USP47: variants seen among roughly 807,000 people sequenced by gnomAD.
USP47 encodes ubiquitin specific peptidase 47.
USP47 carries 35 observed loss-of-function variants against 165.1 expected under a neutral mutation model. The observed-to-expected ratio is 0.21, with a 90% CI of 0.16 to 0.28. The LOEUF (loss-of-function observed/expected upper bound fraction) is 0.28, where lower values mean the gene tolerates loss of function less well. Ranked by LOEUF, USP47 falls within the 10% of genes least tolerant of loss-of-function variation. The pLI, the probability that USP47 is intolerant of heterozygous loss-of-function variation, is 1.00. For synonymous variants in USP47, 531 were observed against 544.5 expected, an observed-to-expected ratio of 0.98 and a Z score of 0.35; for missense variants, 1,277 against 1,607.4, an observed-to-expected ratio of 0.79 and a Z score of 3.52.
At chr11:11,914,981 A>T (rs1438024700) in intron 8 of USP47, among the ~76,000 whole-genome samples, 1 of 152,164 alleles carries the variant, frequency 6.6e-6, no homozygotes, top group Admixed American at 6.5e-5. Context: ...ACTATTGGTC[A>T]TTTATCCCAG....
intron 4 of USP47, among the ~76,000 whole-genome samples, chr11:11,892,801 T>G (rs1322440007): frequency 1.4e-5 from 2 of 141,780 alleles, no homozygotes; most frequent in African/African-American, 5.4e-5. Flanking sequence ...GGTGATTGAT[T>G]GAGACCCTGT....
At position 11,960,617 on chromosome 11, in the gene USP47, G is replaced by A. The variant is rs926705885; in HGVS notation, c.*4442G>A. ...TCCCTCAACGGAGTGTCAGGGAGGG[G>A]AAGAATCTGTTTTCCAAACACCACA... On this transcript the variant is annotated 3_prime_UTR_variant, in exon 28 of 28. Coordinates refer to ENST00000527733, the MANE Select transcript of USP47 (RefSeq NM_001282659.2). Among the ~76,000 whole-genome samples, 2 of 152,158 alleles carry A rather than the reference G, an allele frequency of 1.3e-5. No homozygotes were observed. The highest frequency in any genetic ancestry group is 4.8e-5 in the African/African-American group (2 of 41,430).
rs1443571969 is a variant in USP47 at position 11,948,568 on chromosome 11, AC to A, written c.3348+11del. 2 of 1,576,550 alleles carry A rather than the reference AC, an allele frequency of 1.3e-6. No individual in the cohort carries two copies. Among genetic ancestry groups the A allele is most frequent in the Non-Finnish European group, 1.7e-6 (2 of 1,146,922 alleles). On this transcript the variant is annotated intron_variant, in intron 22 of 27. Coordinates refer to ENST00000527733, the MANE Select transcript of USP47 (RefSeq NM_001282659.2). Reference sequence around the variant, plus strand: ...GGTCAATGAACAAGAGGTAAGTAATACGTTTAAGAATAATATAAGGTTACTT... The same window carrying A: ...GGTCAATGAACAAGAGGTAAGTAATAGTTTAAGAATAATATAAGGTTACTT...
intron 1 of USP47, among the ~76,000 whole-genome samples, chr11:11,877,123 G>GT (rs996085886): frequency 1.3e-5 from 2 of 149,208 alleles, no homozygotes; most frequent in South Asian, 2.1e-4. Context: ...TATTGTATAG[G>GT]TTTTTTTCTC....
chr11:11,925,621 TTTAC>T (rs1385040725), intron 11 of USP47, among the ~76,000 whole-genome samples: 1 of 148,998 alleles, frequency 6.7e-6, no homozygotes, highest in East Asian at 1.9e-4. Context: ...TTTTGTTGAA[TTTAC>T]TTGTTAGGGT....
chr11:11,930,655 C>G (rs758709260), intron 13 of USP47, 41 bp from the exon 14 acceptor site: 5 of 1,418,958 alleles, frequency 3.5e-6, no homozygotes, highest in Non-Finnish European at 4.9e-6. Flanking sequence ...TCTTTTTAAT[C>G]TACTTTTTGT....
At chr11:11,913,127 T>C (rs1381025347) in intron 8 of USP47, among the ~76,000 whole-genome samples, 1 of 151,894 alleles carries the variant, frequency 6.6e-6, no homozygotes, top group Non-Finnish European at 1.5e-5. Context: ...CCACTCCTTT[T>C]CAGCATAGTC....
intron 2 of USP47, among the ~76,000 whole-genome samples, chr11:11,883,169 C>T (rs572961436): frequency 6.6e-6 from 1 of 152,262 alleles, no homozygotes; most frequent in African/African-American, 2.4e-5. Context: ...CCCAGCAATC[C>T]CTTTCTTCCC....
intron 8 of USP47, among the ~76,000 whole-genome samples, chr11:11,911,189 GAAGA>G (rs1429561795): frequency 6.6e-6 from 1 of 152,116 alleles, no homozygotes; most frequent in African/African-American, 2.4e-5. Context: ...ACAGCAGAGA[GAAGA>G]TAGACTGAAA....
At chr11:11,942,198 G>C in intron 19 of USP47, 137 bp from the exon 20 acceptor site, 2 of 1,010,822 alleles carry the variant, frequency 2.0e-6, no homozygotes, top group Middle Eastern at 3.1e-4. Flanking sequence ...CAAAACAATA[G>C]AGTCCTTCAG....
chr11:11,871,941 C>A (rs61552576), intron 1 of USP47, among the ~76,000 whole-genome samples: 19,264 of 152,150 alleles, frequency 0.13, 1,554 homozygotes, highest in Middle Eastern at 0.38. Flanking sequence ...AGATAAGGAG[C>A]ACCAACAGGA....
intron 1 of USP47, among the ~76,000 whole-genome samples, chr11:11,864,545 C>T (rs1461475898): frequency 6.6e-6 from 1 of 150,440 alleles, no homozygotes; most frequent in Non-Finnish European, 1.5e-5. Context: ...CCTCTCTGCC[C>T]CTAACCTCTG....
intron 23 of USP47, 152 bp downstream of exon 23, chr11:11,950,156 G>T (rs967108259): frequency 1.4e-6 from 1 of 711,496 alleles, no homozygotes; most frequent in Non-Finnish European, 2.2e-6. Flanking sequence ...GACTAAACAA[G>T]AGTATTAAAA....
At chr11:11,900,565 G>T (rs1852160941) in intron 5 of USP47, among the ~76,000 whole-genome samples, 1 of 152,150 alleles carries the variant, frequency 6.6e-6, no homozygotes, top group South Asian at 2.1e-4. Flanking sequence ...TTTATATAGT[G>T]CAGTGTACAG....
At chr11:11,874,256 A>C (rs1354844222) in intron 1 of USP47, among the ~76,000 whole-genome samples, 3 of 152,210 alleles carry the variant, frequency 2.0e-5, no homozygotes, top group Non-Finnish European at 4.4e-5. Context: ...TACAGACTTA[A>C]ACTTCCATGT....
chr11:11,867,274 C>T (rs117427418), intron 1 of USP47, among the ~76,000 whole-genome samples: 223 of 152,194 alleles, frequency 1.5e-3, no homozygotes, highest in Non-Finnish European at 2.6e-3. Flanking sequence ...TCTGTGGATT[C>T]GTGTCTTTCA....
intron 22 of USP47, 46 bp downstream of exon 22, chr11:11,948,604 A>G (rs1856007263): frequency 2.0e-6 from 3 of 1,485,812 alleles, no homozygotes; most frequent in Non-Finnish European, 2.8e-6. Context: ...TTTTACAGTT[A>G]CTGAAAACAT....
intron 8 of USP47, among the ~76,000 whole-genome samples, chr11:11,913,082 T>C (rs1169066343): frequency 2.6e-5 from 4 of 152,008 alleles, no homozygotes; most frequent in Non-Finnish European, 5.9e-5. Context: ...TCCTAGGGAA[T>C]GGCACGCTTG....
rs562361684 is a variant in USP47 at position 11,854,859 on chromosome 11, T to C, written c.39+12635T>C. On this transcript the variant is annotated intron_variant, in intron 1 of 27. Coordinates refer to ENST00000527733, the MANE Select transcript of USP47 (RefSeq NM_001282659.2). Reference sequence around the variant, plus strand: ...CTGTAATCCCAGCACTTTGGGAGGCTGAAGCAGGCGGATCACGAGGTCAGG... The same window carrying C: ...CTGTAATCCCAGCACTTTGGGAGGCCGAAGCAGGCGGATCACGAGGTCAGG... Among the ~76,000 whole-genome samples the C allele has an allele frequency of 6.5e-4, 95 of 146,948 alleles. 13 individuals carry two copies. The highest frequency in any genetic ancestry group is 5.2e-4 in the Non-Finnish European group (34 of 65,504).
Sources: allele counts gnomAD v4.1 joint callset (sites outside exome capture counted in the v4.1 genomes callset), GRCh38; gene constraint gnomAD v4.1.1; transcripts MANE v1.5; gene names NCBI Gene and HGNC (gene_info 2026-07-23, HGNC 2026-07-21).